Variants in SLC6A17 observed in about 807,000 individuals in gnomAD.
The protein encoded by SLC6A17 is solute carrier family 6 member 17, also known as sodium-dependent neutral amino acid transporter SLC6A17.
A neutral mutation model predicts 64.5 loss-of-function variants in SLC6A17; 21 were observed. That is an observed-to-expected ratio of 0.33 (90% CI 0.23 to 0.47). The LOEUF (loss-of-function observed/expected upper bound fraction) is 0.47, where lower values mean the gene tolerates loss of function less well. SLC6A17 is among the 20% of genes least tolerant of loss of function. The pLI, the probability that SLC6A17 is intolerant of heterozygous loss-of-function variation, is 1.00. For missense variants in SLC6A17, 682 were observed against 963.2 expected, an observed-to-expected ratio of 0.71 and a Z score of 3.86; for synonymous variants, 372 against 399.5, an observed-to-expected ratio of 0.93 and a Z score of 0.82.
At chr1:110,198,010 T>TG in intron 11 of SLC6A17, 66 bp from the exon 12 acceptor site, 1 of 1,549,284 alleles carries the variant, frequency 6.5e-7, no homozygotes, top group Admixed American at 1.8e-5. Flanking sequence ...AGAGCAGTCT[T>TG]GGAGGGCCTG....
chr1:110,175,513 TCTTA>T (rs1199015993), intron 5 of SLC6A17, among the ~76,000 whole-genome samples: 1 of 152,182 alleles, frequency 6.6e-6, no homozygotes, highest in Non-Finnish European at 1.5e-5. Context: ...AAGGGCCCTT[TCTTA>T]CTTGTCACAT....
In SLC6A17 at chr1:110,199,790, C is replaced by T. The variant is rs758464541; in HGVS notation, c.*1346C>T. On this transcript the variant is annotated 3_prime_UTR_variant, in exon 12 of 12. Transcript: ENST00000331565. The stretch of plus-strand genomic sequence containing the variant: ...CCTCCTCTGGAAGAGAACCCATTCT[C>T]AGAGTGCAGCCAGGGAGGAACCTGA... 1.1e-4 allele frequency: 45 copies of T among 395,504 alleles called. No homozygotes were observed. Among genetic ancestry groups the T allele is most frequent in the Non-Finnish European group, 1.7e-4 (38 of 224,872 alleles). 24.5% of individuals were successfully genotyped at this position (395,504 alleles called of 1,614,324 possible).
chr1:110,192,353 C>A lies in SLC6A17; in HGVS notation c.1106+140C>A. On this transcript the variant is annotated intron_variant, in intron 7 of 11. Coordinates refer to ENST00000331565, the MANE Select transcript of SLC6A17 (RefSeq NM_001010898.4). The surrounding 1 kb of genome is among the most constrained non-coding windows in gnomAD (Gnocchi z 4.3). ...GGAATGGAGATCAGAGGAGCACTCT[C>A]TGTCCCCAGCTCCGGGCCACAGGGA... 1 of 1,455,572 alleles carries A rather than the reference C, an allele frequency of 6.9e-7. No homozygotes were observed. The highest frequency in any genetic ancestry group is 9.3e-7 in the Non-Finnish European group (1 of 1,075,760). The allele number at this position is 1,455,572 out of a possible 1,614,324, so 90.2% of individuals were successfully genotyped here.
chr1:110,164,177 G>A lies in SLC6A17; in HGVS notation c.-87-2666G>A, dbSNP rs534122671. On this transcript the variant is annotated intron_variant, in intron 1 of 11. Coordinates refer to ENST00000331565, the MANE Select transcript of SLC6A17 (RefSeq NM_001010898.4). ...TATAGGAGGCACTCAGGAAATGTAT[G>A]TCAGGTGAGTGAGTGAGTCAATGAA... 1.4e-3 allele frequency among the ~76,000 whole-genome samples: 218 copies of A among 152,314 alleles called. 1 individual carries two copies. Among genetic ancestry groups the A allele is most frequent in the African/African-American group, 5.2e-3 (215 of 41,566 alleles).
In SLC6A17 at chr1:110,197,953, A is replaced by C. The variant is rs879695839; in HGVS notation, c.1816-123A>C. On this transcript the variant is annotated intron_variant, in intron 11 of 11. Coordinates refer to ENST00000331565, the MANE Select transcript of SLC6A17 (RefSeq NM_001010898.4). ...CCCCCATCCTTGGCTGTGCCTGGCC[A>C]GGATGGTGGGAGGGGAGAGGAGTGG... The C allele has an allele frequency of 1.6e-5, 23 of 1,473,560 alleles. No homozygotes were observed. The Admixed American group carries it at 5.2e-4, about 33-fold the overall frequency. 91.3% of individuals were successfully genotyped at this position (1,473,560 alleles called of 1,614,324 possible).
chr1:110,172,828 A>G lies in SLC6A17; in HGVS notation c.444+611A>G, dbSNP rs137863989. ...GGTCTCCAGGCTCATCCACAAGGCTACAGATGAGAACCTGCTCAGAGCTCT... is the reference window on the plus strand; with the variant it reads ...GGTCTCCAGGCTCATCCACAAGGCTGCAGATGAGAACCTGCTCAGAGCTCT... On this transcript the variant is annotated intron_variant, in intron 3 of 11. Transcript: ENST00000331565. Among the ~76,000 whole-genome samples the G allele has an allele frequency of 3.1e-3, 465 of 152,358 alleles. 6 individuals carry two copies. The highest frequency in any genetic ancestry group is 0.011 in the African/African-American group (447 of 41,580).
intron 1 of SLC6A17, among the ~76,000 whole-genome samples, chr1:110,164,799 C>G (rs1047199920): frequency 6.6e-6 from 1 of 152,136 alleles, no homozygotes; most frequent in East Asian, 1.9e-4. Context: ...TCTTGGTGAC[C>G]GAAGCTGCCA....
intron 3 of SLC6A17, among the ~76,000 whole-genome samples, 143 bp from the exon 4 acceptor site, chr1:110,173,820 TCCTCCACGGC>T (rs1360094758): frequency 2.6e-5 from 4 of 152,068 alleles, no homozygotes; most frequent in Non-Finnish European, 4.4e-5. Context: ...TGAGGGGAGC[TCCTCCACGGC>T]CCGCACCCTA....
intron 6 of SLC6A17, among the ~76,000 whole-genome samples, chr1:110,186,672 C>CTG (rs953680173): frequency 6.9e-4 from 79 of 114,324 alleles, no homozygotes; most frequent in African/African-American, 2.2e-3. Flanking sequence ...TAGTCTCTCT[C>CTG]TCTCTCTCTC....
chr1:110,172,126 T>C lies in SLC6A17; in HGVS notation c.353T>C (p.Leu118Pro). 6.2e-7 allele frequency: 1 copy of C among 1,614,140 alleles called. No individual in the cohort carries two copies. The highest frequency in any genetic ancestry group is 8.5e-7 in the Non-Finnish European group (1 of 1,180,012). Residue 118 changes from leucine to proline, a missense_variant, in exon 3 of 12, where the codon CTG becomes CCG. Around this residue, in one of 3 missense-constraint regions of SLC6A17, gnomAD observed 415 missense variants for 603.8 expected, o/e 0.69. Transcript: ENST00000331565. ...IIGIPLFFLE[L>P]AVGQRIRRGS... The stretch of plus-strand genomic sequence containing the variant: ...GGGATCCCCCTCTTCTTCCTGGAGC[T>C]GGCTGTGGGTCAGAGGATCCGCCGC...
At chr1:110,181,927 G>A (rs955416121) in intron 6 of SLC6A17, among the ~76,000 whole-genome samples, 1 of 152,204 alleles carries the variant, frequency 6.6e-6, no homozygotes, top group Non-Finnish European at 1.5e-5. Flanking sequence ...TGTGGTTAAG[G>A]TAAGAAGTTT....
Position 110,194,985 on chromosome 1 carries a change from G to A in SLC6A17, c.1492+214G>A, listed in dbSNP as rs374865200. On this transcript the variant is annotated intron_variant, in intron 9 of 11. Transcript: ENST00000331565. ...TGGAAATCTGGAGCAAACATGAGCCGGGAGGCCTGCATCTAGGCCCCTTTG... is the reference window on the plus strand; with the variant it reads ...TGGAAATCTGGAGCAAACATGAGCCAGGAGGCCTGCATCTAGGCCCCTTTG... 3.5e-4 allele frequency: 222 copies of A among 637,456 alleles called. 5 individuals carry two copies. The highest frequency in any genetic ancestry group is 2.0e-3 in the South Asian group (106 of 52,980). 39.5% of individuals were successfully genotyped at this position (637,456 alleles called of 1,614,324 possible).
intron 10 of SLC6A17, 74 bp downstream of exon 10, chr1:110,195,819 CAT>C: frequency 6.3e-7 from 1 of 1,580,128 alleles, no homozygotes; most frequent in Non-Finnish European, 8.6e-7. Flanking sequence ...AGAGGCAGAT[CAT>C]AGAGTCACAA....
chr1:110,174,038 G>T lies in SLC6A17; in HGVS notation c.510G>T (p.Lys170Asn). 1 of 1,614,202 alleles carries T rather than the reference G, an allele frequency of 6.2e-7. No homozygotes were observed. Among genetic ancestry groups the T allele is most frequent in the Non-Finnish European group, 8.5e-7 (1 of 1,180,036 alleles). ...GGTGGAGCATCTTCTATTTCTTCAA[G>T]TCCTTCCAGTACCCGCTGCCCTGGA... ...IIGWSIFYFF[K>N]SFQYPLPWSE... The change falls in exon 4 of 12, where the codon AAG becomes AAT. Residue 170 changes from lysine to asparagine, a missense_variant. By Grantham distance (94) the Lys-to-Asn change is moderately conservative. Coordinates refer to ENST00000331565, the MANE Select transcript of SLC6A17 (RefSeq NM_001010898.4).
At chr1:110,176,807 C>T in intron 6 of SLC6A17, 68 bp downstream of exon 6, 11 of 1,369,866 alleles carry the variant, frequency 8.0e-6, no homozygotes, top group Non-Finnish European at 1.1e-5. Context: ...CAGCTTCCTG[C>T]AATTTCATGG....
chr1:110,189,885 G>C (rs147468470), intron 6 of SLC6A17, among the ~76,000 whole-genome samples: 4 of 152,214 alleles, frequency 2.6e-5, no homozygotes, highest in African/African-American at 7.2e-5. Flanking sequence ...AACTTGTTCA[G>C]ATCCCCTTCT....
intron 6 of SLC6A17, among the ~76,000 whole-genome samples, chr1:110,182,439 G>A (rs951839158): frequency 7.9e-5 from 12 of 152,228 alleles, no homozygotes; most frequent in African/African-American, 2.7e-4. Context: ...GAGGTCAGGT[G>A]TGGAGGTCTA....
chr1:110,158,668 A>G (rs1456477036), intron 1 of SLC6A17, among the ~76,000 whole-genome samples: 1 of 152,230 alleles, frequency 6.6e-6, no homozygotes, highest in Admixed American at 6.5e-5. Context: ...TACTTTCCCA[A>G]AGACCAACAT....
Position 110,198,396 on chromosome 1 carries a change from C to T in SLC6A17, c.2136C>T (p.Arg712=). The part of the protein sequence containing the change: ...PLETSGNPNG[R]YGSGYLLAST... ...AGACCAGCGGTAACCCCAATGGACG[C>T]TATGGGAGCGGCTACCTGCTGGCCA... The change falls in exon 12 of 12, where the codon CGC becomes CGT. Residue 712 remains arginine, a synonymous_variant. Transcript: ENST00000331565. 6.2e-7 allele frequency: 1 copy of T among 1,613,874 alleles called. No homozygotes were observed. The highest frequency in any genetic ancestry group is 1.1e-5 in the South Asian group (1 of 91,082).
Sources: allele counts gnomAD v4.1 joint callset (sites outside exome capture counted in the v4.1 genomes callset), GRCh38; gene constraint gnomAD v4.1.1; regional missense constraint gnomAD v4.1.1; non-coding constraint Gnocchi (gnomAD v3.1); transcripts MANE v1.5; gene names NCBI Gene and HGNC (gene_info 2026-07-23, HGNC 2026-07-21).